ABTB3: variants seen among roughly 807,000 people sequenced by gnomAD.
ABTB3 encodes ankyrin repeat- and BTB/POZ domain-containing protein 3.
the ABTB3 span, among the ~76,000 whole-genome samples, chr12:107,407,703 C>G: frequency 1.3e-5 from 2 of 152,146 alleles, no homozygotes; most frequent in Admixed American, 1.3e-4. Flanking sequence ...TGGCAAGAGG[C>G]ATGAGTGAAG....
chr12:107,483,767 G>A, the ABTB3 span, among the ~76,000 whole-genome samples: 3 of 152,106 alleles, frequency 2.0e-5, no homozygotes, highest in African/African-American at 7.2e-5. Flanking sequence ...GCTCACTGCA[G>A]CCTCAAACTC....
chr12:107,423,514 T>C, the ABTB3 span, among the ~76,000 whole-genome samples: 4 of 152,056 alleles, frequency 2.6e-5, no homozygotes, highest in Non-Finnish European at 4.4e-5. Context: ...TATCCAGCTA[T>C]TGTGTAAGGA....
chr12:107,552,432 T>A, the ABTB3 span, among the ~76,000 whole-genome samples: 1,093 of 152,358 alleles, frequency 7.2e-3, 8 homozygotes, highest in Admixed American at 0.011. Context: ...CGATAAGCAC[T>A]ATGACTATAT....
chr12:107,347,270 T>TA, the ABTB3 span, among the ~76,000 whole-genome samples: 1 of 152,190 alleles, frequency 6.6e-6, no homozygotes, highest in African/African-American at 2.4e-5. Context: ...CTAGGAGATA[T>TA]AAAGTTAAAT....
At chr12:107,384,624 C>T in the ABTB3 span, among the ~76,000 whole-genome samples, 1 of 152,150 alleles carries the variant, frequency 6.6e-6, no homozygotes, top group Non-Finnish European at 1.5e-5. Context: ...CAACAGAGGC[C>T]TCAGTACATC....
At chr12:107,399,579 C>T in the ABTB3 span, among the ~76,000 whole-genome samples, 1,210 of 152,254 alleles carry the variant, frequency 7.9e-3, 7 homozygotes, top group Non-Finnish European at 0.013. Context: ...AGTGGAATCA[C>T]CTGACAAAAA....
the ABTB3 span, among the ~76,000 whole-genome samples, chr12:107,397,471 C>CTGTG: frequency 4.5e-4 from 67 of 150,470 alleles, no homozygotes; most frequent in African/African-American, 1.6e-3. Context: ...GATTGCTTGT[C>CTGTG]TGTGTGTGTG....
At chr12:107,417,267 G>A in the ABTB3 span, among the ~76,000 whole-genome samples, 355 of 152,278 alleles carry the variant, frequency 2.3e-3, 4 homozygotes, top group African/African-American at 8.3e-3. Flanking sequence ...GTATCCTAGA[G>A]CTGCCATAAC....
At chr12:107,518,326 G>A in the ABTB3 span, among the ~76,000 whole-genome samples, 2 of 152,218 alleles carry the variant, frequency 1.3e-5, no homozygotes, top group Admixed American at 6.5e-5. Flanking sequence ...GTTTATTGCG[G>A]CACTATTCAC....
At chr12:107,513,333 C>T in the ABTB3 span, among the ~76,000 whole-genome samples, 30 of 152,250 alleles carry the variant, frequency 2.0e-4, no homozygotes, top group East Asian at 5.8e-3. Context: ...ATTGTAATCC[C>T]CATAATCCTC....
At chr12:107,500,034 A>C in the ABTB3 span, among the ~76,000 whole-genome samples, 1 of 152,116 alleles carries the variant, frequency 6.6e-6, no homozygotes, top group Non-Finnish European at 1.5e-5. Context: ...TCCCACTCTC[A>C]TGAGAACAGC....
the ABTB3 span, among the ~76,000 whole-genome samples, chr12:107,437,598 C>T: frequency 6.6e-6 from 1 of 151,976 alleles, no homozygotes; most frequent in South Asian, 2.1e-4. Flanking sequence ...GACGGGGTTT[C>T]ACCATGTTGG....
chr12:107,570,645 G>A, the ABTB3 span, among the ~76,000 whole-genome samples: 1 of 150,436 alleles, frequency 6.6e-6, no homozygotes, highest in Non-Finnish European at 1.5e-5. Context: ...CATTCTTGAT[G>A]TTTTTTTCCA....
chr12:107,370,232 T>C, the ABTB3 span, among the ~76,000 whole-genome samples: 2 of 152,240 alleles, frequency 1.3e-5, no homozygotes, highest in African/African-American at 4.8e-5. Flanking sequence ...CGCCTGCTAA[T>C]GGATGACTTC....
the ABTB3 span, among the ~76,000 whole-genome samples, chr12:107,339,680 C>T: frequency 0.018 from 2,722 of 149,570 alleles, 239 homozygotes; most frequent in Non-Finnish European, 0.029. Context: ...TGTGCATGCA[C>T]GTGTGTGTGT....
the ABTB3 span, among the ~76,000 whole-genome samples, chr12:107,335,956 T>G: frequency 6.6e-6 from 1 of 152,146 alleles, no homozygotes; most frequent in East Asian, 1.9e-4. Context: ...TGAAGATGAC[T>G]CTCCCTTCCT....
chr12:107,440,850 G>T, the ABTB3 span, among the ~76,000 whole-genome samples: 1 of 152,304 alleles, frequency 6.6e-6, no homozygotes, highest in Non-Finnish European at 1.5e-5. Context: ...ATGAATGACT[G>T]CCTGGGCCAA....
chr12:107,356,625 G>T, the ABTB3 span, among the ~76,000 whole-genome samples: 5 of 152,164 alleles, frequency 3.3e-5, no homozygotes, highest in Non-Finnish European at 5.9e-5. Context: ...TCATCTGGCT[G>T]GTTCTTTAGC....
chr12:107,551,262 G>C, the ABTB3 span, among the ~76,000 whole-genome samples: 1 of 152,170 alleles, frequency 6.6e-6, no homozygotes, highest in African/African-American at 2.4e-5. Flanking sequence ...GGACATGCTA[G>C]AGCGAGAAGA....
Sources: gnomAD v4.1 joint callset for allele counts (sites outside exome capture counted in the v4.1 genomes callset) on GRCh38, gnomAD v4.1.1 for gene constraint, MANE v1.5 for transcripts, NCBI Gene and HGNC (gene_info 2026-07-23, HGNC 2026-07-21) for gene names.